Variants in IFIT1 observed in about 807,000 individuals in gnomAD.
The protein encoded by IFIT1 is antiviral innate immune response effector IFIT1.
Under a neutral mutation model 2.5 loss-of-function variants are expected in IFIT1, and 1 was observed. The observed-to-expected ratio is 0.40, with a 90% CI of 0.14 to 1.92. The LOEUF (loss-of-function observed/expected upper bound fraction) is 1.92, where lower values mean the gene tolerates loss of function less well. Ranked by LOEUF, IFIT1 falls within the 40% of genes most tolerant of loss-of-function variation. IFIT1 has a pLI of 0.31. For missense variants in IFIT1, 508 were observed against 557.8 expected (o/e 0.91, Z 0.90); for synonymous variants, 191 against 201.7 (o/e 0.95, Z 0.45).
In IFIT1 at chr10:89,403,474, T is replaced by C; in HGVS notation, c.1199T>C (p.Ile400Thr). Residue 400 changes from isoleucine to threonine, a missense_variant, in exon 2 of 2, where the codon ATC (isoleucine) becomes ACC (threonine). Physicochemically the swap from Ile to Thr is moderately conservative, Grantham distance 89 (BLOSUM62 -1). Coordinates refer to ENST00000371804, the MANE Select transcript of IFIT1 (RefSeq NM_001548.5). ...AAGAAATCTGACGTCAATGCAATTA[T>C]CCATTATTTAAAAGCTATAAAAATA... is the stretch of plus-strand genomic sequence containing the variant. ...FQKKSDVNAI[I>T]HYLKAIKIEQ... is the part of the protein sequence containing the mutation. 6.2e-7 allele frequency: 1 copy of C among 1,612,866 alleles called. No individual in the cohort carries two copies.
At chr10:89,395,008 T>G (rs903094256) in intron 1 of IFIT1, among the ~76,000 whole-genome samples, 11 of 152,342 alleles carry the variant, frequency 7.2e-5, no homozygotes, top group African/African-American at 2.6e-4. Context: ...TAAGTTGGAC[T>G]TTCTCATTCC....
Position 89,403,708 on chromosome 10 carries a change from C to A in IFIT1, c.1433C>A (p.Pro478His), listed in dbSNP as rs768096763. Residue 478 changes from proline (P) to histidine (H), a missense_variant, in exon 2 of 2, where the codon CCT becomes CAT. Pro to His is a moderately conservative substitution (Grantham distance 77, BLOSUM62 -2). Coordinates refer to ENST00000371804, the MANE Select transcript of IFIT1 (RefSeq NM_001548.5). ...ADFENSVRQG[P>H] ...TTTGAGAACTCTGTGAGACAAGGTC[C>A]TTAGGCACCCAGATATCAGCCACTT... The A allele has an allele frequency of 1.3e-6, 2 of 1,536,492 alleles. No individual in the cohort carries two copies. The highest frequency in any genetic ancestry group is 2.8e-5 in the African/African-American group (2 of 71,752).
Position 89,403,883 on chromosome 10 carries a change from T to C in IFIT1, c.*171T>C, listed in dbSNP as rs1844485307. Reference sequence around the variant, plus strand: ...GTGTTCAACAATTAGTGAAACAGAATGTGTGTATGCATGTAAGAAAGAGAA... The same window carrying C: ...GTGTTCAACAATTAGTGAAACAGAACGTGTGTATGCATGTAAGAAAGAGAA... On this transcript the variant is annotated 3_prime_UTR_variant, in exon 2 of 2. Transcript: ENST00000371804. The C allele has an allele frequency of 3.6e-6, 2 of 558,668 alleles. No homozygotes were observed. Among genetic ancestry groups the C allele is most frequent in the South Asian group, 2.6e-5 (1 of 38,634 alleles). 34.6% of individuals were successfully genotyped at this position (558,668 alleles called of 1,614,324 possible).
At chr10:89,399,435 T>C (rs1844389883) in intron 1 of IFIT1, among the ~76,000 whole-genome samples, 1 of 152,240 alleles carries the variant, frequency 6.6e-6, no homozygotes, top group African/African-American at 2.4e-5. Context: ...TCATATCTAA[T>C]GAATCACTGC....
intron 1 of IFIT1, among the ~76,000 whole-genome samples, chr10:89,397,585 A>C (rs1374165073): frequency 1.3e-5 from 2 of 152,170 alleles, no homozygotes; most frequent in Non-Finnish European, 2.9e-5. Flanking sequence ...TATGTTGCCC[A>C]GACTGATCTT....
chr10:89,393,988 A>C (rs1406021577), intron 1 of IFIT1, among the ~76,000 whole-genome samples: 1 of 152,178 alleles, frequency 6.6e-6, no homozygotes, highest in African/African-American at 2.4e-5. Flanking sequence ...GTGTTATGTA[A>C]ATTATTCCAT....
intron 1 of IFIT1, among the ~76,000 whole-genome samples, chr10:89,394,320 T>G (rs573508119): frequency 2.0e-5 from 3 of 152,244 alleles, no homozygotes; most frequent in Admixed American, 6.5e-5. Flanking sequence ...AAAATATCAT[T>G]ATGCAGTGCA....
intron 1 of IFIT1, among the ~76,000 whole-genome samples, chr10:89,395,667 C>T (rs1227279975): frequency 6.6e-6 from 1 of 152,134 alleles, no homozygotes; most frequent in Non-Finnish European, 1.5e-5. Context: ...AGACATAGAT[C>T]AGACGCTTAG....
chr10:89,393,264 C>G, intron 1 of IFIT1: 1 of 1,289,748 alleles, frequency 7.8e-7, no homozygotes, highest in Non-Finnish European at 1.0e-6. Flanking sequence ...CACTGCTGGC[C>G]TCTTACAACA....
At chr10:89,400,454 A>C (rs893420328) in intron 1 of IFIT1, among the ~76,000 whole-genome samples, 4 of 152,198 alleles carry the variant, frequency 2.6e-5, no homozygotes, top group Non-Finnish European at 5.9e-5. Context: ...TTCTTTCAGC[A>C]GTCTTATAGT....
In IFIT1 at chr10:89,398,184, C is replaced by G. The variant is rs549310340; in HGVS notation, c.6-4097C>G. 3.9e-5 allele frequency among the ~76,000 whole-genome samples: 6 copies of G among 152,290 alleles called. No homozygotes were observed. The East Asian group carries it at 9.6e-4, about 24-fold the overall frequency. ...GGTTCTGCAGAGCCCTGGGGGAGAACAGCTGAAGGCAGCTGTTCTATAACT... is the reference window on the plus strand; with the variant it reads ...GGTTCTGCAGAGCCCTGGGGGAGAAGAGCTGAAGGCAGCTGTTCTATAACT... On this transcript the variant is annotated intron_variant, in intron 1 of 1. Coordinates refer to ENST00000371804, the MANE Select transcript of IFIT1 (RefSeq NM_001548.5).
intron 1 of IFIT1, among the ~76,000 whole-genome samples, chr10:89,401,717 G>C (rs1371889603): frequency 6.6e-6 from 1 of 151,686 alleles, no homozygotes; most frequent in Non-Finnish European, 1.5e-5. Context: ...AGTGGGTGAA[G>C]GATACACTGG....
rs1305514853 is a variant in IFIT1, at chr10:89,404,303, A to T, written c.*591A>T. 2 of 152,552 alleles carry T rather than the reference A, an allele frequency of 1.3e-5. No homozygotes were observed. Among genetic ancestry groups the T allele is most frequent in the Non-Finnish European group, 2.9e-5 (2 of 68,290 alleles). The allele number at this position is 152,552 out of a possible 1,614,324, so 9.4% of individuals were successfully genotyped here. A position where few individuals can be genotyped will look rare whatever the true frequency, so the allele number is the denominator to read the frequency against. Reference sequence around the variant, plus strand: ...TCCCCTCTTGCGGTTTCCACATGACAACTGATCAGCCTTCCCTCCTGATAA... The same window carrying T: ...TCCCCTCTTGCGGTTTCCACATGACTACTGATCAGCCTTCCCTCCTGATAA... On this transcript the variant is annotated 3_prime_UTR_variant, in exon 2 of 2. Coordinates refer to ENST00000371804, the MANE Select transcript of IFIT1 (RefSeq NM_001548.5).
At chr10:89,394,681 C>G (rs967346453) in intron 1 of IFIT1, among the ~76,000 whole-genome samples, 1 of 144,452 alleles carries the variant, frequency 6.9e-6, no homozygotes, top group South Asian at 2.2e-4. Flanking sequence ...TGATAAAATA[C>G]ATGTAAAATA....
At position 89,403,502 on chromosome 10, in the gene IFIT1, A is replaced by G. The variant is rs751601507; in HGVS notation, c.1227A>G (p.Glu409=). The G allele has an allele frequency of 1.2e-6, 2 of 1,612,932 alleles. No homozygotes were observed. Among genetic ancestry groups the G allele is most frequent in the Non-Finnish European group, 1.7e-6 (2 of 1,179,562 alleles). The change falls in exon 2 of 2, where the codon GAA becomes GAG. Residue 409 remains glutamate (E), a synonymous_variant. Coordinates refer to ENST00000371804, the MANE Select transcript of IFIT1 (RefSeq NM_001548.5). ...IIHYLKAIKI[E]QASLTRDKSI... is the part of the protein sequence containing the mutation. ...ATTATTTAAAAGCTATAAAAATAGA[A>G]CAGGCATCATTAACAAGGGATAAAA...
intron 1 of IFIT1, among the ~76,000 whole-genome samples, chr10:89,392,933 G>C (rs1290351302): frequency 6.6e-6 from 1 of 152,160 alleles, no homozygotes; most frequent in African/African-American, 2.4e-5. Flanking sequence ...GCATGAACTT[G>C]AGGAAGCTTA....
chr10:89,394,598 A>ATTT (rs375192355), intron 1 of IFIT1, among the ~76,000 whole-genome samples: 1,989 of 22,436 alleles, frequency 0.089, 77 homozygotes, highest in African/African-American at 0.22. Context: ...ATATATATAT[A>ATTT]TATATATATA....
chr10:89,395,393 C>T (rs1844327548), intron 1 of IFIT1, among the ~76,000 whole-genome samples: 1 of 152,192 alleles, frequency 6.6e-6, no homozygotes, highest in African/African-American at 2.4e-5. Context: ...TCAATGGCTC[C>T]CCCTTTCCCA....
At chr10:89,396,655 A>T (rs1222128968) in intron 1 of IFIT1, among the ~76,000 whole-genome samples, 1 of 152,224 alleles carries the variant, frequency 6.6e-6, no homozygotes, top group African/African-American at 2.4e-5. Flanking sequence ...CAAAATTGTG[A>T]CACTAGAGAT....
Sources: gnomAD v4.1 joint callset for allele counts (sites outside exome capture counted in the v4.1 genomes callset) on GRCh38, gnomAD v4.1.1 for gene constraint, MANE v1.5 for transcripts, NCBI Gene and HGNC (gene_info 2026-07-23, HGNC 2026-07-21) for gene names.